The following NKPD1 variants were observed in gnomAD, a reference collection of about 807,000 sequenced individuals.
NKPD1 encodes NTPase KAP family P-loop domain-containing protein 1.
Under a neutral mutation model 42.2 loss-of-function variants are expected in NKPD1, and 37 were observed. That is an observed-to-expected ratio of 0.88 (90% confidence interval 0.67 to 1.15). The LOEUF (loss-of-function observed/expected upper bound fraction) is 1.15. NKPD1 is among the 50% of genes most tolerant of loss of function. The pLI is 0.00. For missense variants in NKPD1, 1,113 were observed against 1,174.6 expected, an observed-to-expected ratio of 0.95 and a Z score of 0.77; for synonymous variants, 552 against 536.5, an observed-to-expected ratio of 1.03 and a Z score of -0.40.
intron 3 of NKPD1, among the ~76,000 whole-genome samples, chr19:45,157,631 G>A (rs546801416): frequency 1.3e-5 from 2 of 151,862 alleles, no homozygotes; most frequent in African/African-American, 4.8e-5. Flanking sequence ...GCCCAGGCTG[G>A]TCTGGAACTC....
At chr19:45,162,189 A>G (rs185082064), upstream of NKPD1, among the ~76,000 whole-genome samples, 68 of 152,240 alleles carry the variant, frequency 4.5e-4, 2 homozygotes, top group East Asian at 0.012. Flanking sequence ...GGCTGGGAGC[A>G]CAGTGGCCAG....
Position 45,158,263 on chromosome 19 carries a change from G to A in NKPD1, c.529+400C>T, listed in dbSNP as rs1044400761. Among the ~76,000 whole-genome samples, 1 of 152,206 alleles carries A rather than the reference G, an allele frequency of 6.6e-6. No individual in the cohort carries two copies. The highest frequency in any genetic ancestry group is 2.4e-5 in the African/African-American group (1 of 41,448). On this transcript the variant is annotated intron_variant, in intron 3 of 4. Transcript: ENST00000686631. The surrounding 1 kb of genome is among the most constrained non-coding windows in gnomAD (Gnocchi z 4.6). ...TCTCCGTTCCCCAGGCTACTCCCTAGCTCTGTCTTCCCCAACGCCAGAGCC... is the reference window on the plus strand; with the variant it reads ...TCTCCGTTCCCCAGGCTACTCCCTAACTCTGTCTTCCCCAACGCCAGAGCC...
rs1182818032 is a variant in NKPD1 at position 45,152,023 on chromosome 19, G to GT, written c.2413dup (p.Thr805AsnfsTer50). 1.2e-6 allele frequency: 2 copies of GT among 1,610,768 alleles called. No individual in the cohort carries two copies. The highest frequency in any genetic ancestry group is 1.7e-6 in the Non-Finnish European group (2 of 1,178,958). On this transcript the variant is annotated frameshift_variant, in exon 5 of 5. Transcript: ENST00000686631. LOFTEE classifies it low-confidence loss of function (END_TRUNC). ...CTTGCCCCTGTGGGCCAAGTCCCCA[G>GT]TGTGGTGGCCTTCGCCGGCTTGCCC...
At position 45,158,484 on chromosome 19, in the gene NKPD1, A is replaced by C. The variant is rs1568458791; in HGVS notation, c.529+179T>G. Among the ~76,000 whole-genome samples, 1 of 152,252 alleles carries C rather than the reference A, an allele frequency of 6.6e-6. No individual in the cohort carries two copies. Among genetic ancestry groups the C allele is most frequent in the African/African-American group, 2.4e-5 (1 of 41,476 alleles). ...TGGCCTGGAAGCCTTGGACCCCAAC[A>C]GGCAAAGCTGAGGCAGCCAGCCTGA... is the stretch of plus-strand genomic sequence containing the variant. On this transcript the variant is annotated intron_variant, in intron 3 of 4. Transcript: ENST00000686631. This position sits in a 1 kb window ranked among gnomAD's most constrained non-coding sequence, Gnocchi z 4.6.
At position 45,151,631 on chromosome 19, in the gene NKPD1, A is replaced by T. The variant is rs116106679; in HGVS notation, c.*307T>A. 1,259 of 325,228 alleles carry T rather than the reference A, an allele frequency of 3.9e-3. 13 individuals carry two copies. Among genetic ancestry groups the T allele is most frequent in the African/African-American group, 0.024 (1,109 of 46,484 alleles). The allele number at this position is 325,228 out of a possible 1,614,324, so 20.1% of individuals were successfully genotyped here. Reference sequence around the variant, plus strand: ...AGGATGGGGCAGGCCCTGTGGCAGGACGGGGCAGGCCTGGTCCCTGGTCAG... The same window carrying T: ...AGGATGGGGCAGGCCCTGTGGCAGGTCGGGGCAGGCCTGGTCCCTGGTCAG... On this transcript the variant is annotated 3_prime_UTR_variant, in exon 5 of 5. Coordinates refer to ENST00000686631, the MANE Select transcript of NKPD1 (RefSeq NM_198478.4).
rs765272673 is a variant in NKPD1 at position 45,152,292 on chromosome 19, G to A, written c.2145C>T (p.Asp715=). 5.6e-6 allele frequency: 9 copies of A among 1,610,484 alleles called. No homozygotes were observed. Among genetic ancestry groups the A allele is most frequent in the African/African-American group, 2.7e-5 (2 of 74,826 alleles). ...TKALQNVLDL[D]GDPELFERFL... is the part of the protein sequence containing the mutation. ...AGCGCTCGAAGAGCTCGGGGTCGCC[G>A]TCCAGGTCGAGCACGTTCTGCAACG... Residue 715 remains aspartate (D), a synonymous_variant, in exon 5 of 5, where the codon GAC becomes GAT. Transcript: ENST00000686631.
rs529107934 is a variant in NKPD1, at chr19:45,151,680, G to A, written c.*258C>T. 2.5e-5 allele frequency: 11 copies of A among 440,390 alleles called. No individual in the cohort carries two copies. The highest frequency in any genetic ancestry group is 8.2e-5 in the African/African-American group (4 of 48,622). 27.3% of individuals were successfully genotyped at this position (440,390 alleles called of 1,614,324 possible). A position where few individuals can be genotyped will look rare whatever the true frequency, so the allele number is the denominator to read the frequency against. ...AGATCAGGATGCGGAGAGCAACTCCGGGCTCTCAACACCTCCATTTATTGC... is the reference window on the plus strand; with the variant it reads ...AGATCAGGATGCGGAGAGCAACTCCAGGCTCTCAACACCTCCATTTATTGC... On this transcript the variant is annotated 3_prime_UTR_variant, in exon 5 of 5. Coordinates refer to ENST00000686631, the MANE Select transcript of NKPD1 (RefSeq NM_198478.4).
In NKPD1 at chr19:45,151,957, G is replaced by C. The variant is rs765805397; in HGVS notation, c.2480C>G (p.Ser827Cys). Residue 827 changes from serine (S) to cysteine (C), a missense_variant, in exon 5 of 5, where the codon TCC becomes TGC. Ser to Cys is a moderately radical substitution (Grantham distance 112). Around this residue, in one of 3 missense-constraint regions of NKPD1, gnomAD observed 867 missense variants for 870.1 expected, o/e 1.00. Coordinates refer to ENST00000686631, the MANE Select transcript of NKPD1 (RefSeq NM_198478.4). ...CTCCATTTAAGGCCCACCTGGGCTG[G>C]ATTGCCCTGGACGGAAGAGCGCACA... ...VACALFRPGQ[S>C]SPGGP 10 of 1,577,052 alleles carry C rather than the reference G, an allele frequency of 6.3e-6. 1 individual carries two copies. In the South Asian group the frequency reaches 1.1e-4, roughly 18 times the overall value.
Position 45,150,020 on chromosome 19 carries a change from G to A in NKPD1, c.*1918C>T, listed in dbSNP as rs1292524198. The stretch of plus-strand genomic sequence containing the variant: ...GTCCCGTGGCTTTACACAGGTGCAA[G>A]TTCTCATAGCAGCTCCACGTGAAGA... On this transcript the variant is annotated 3_prime_UTR_variant, in exon 5 of 5. Transcript: ENST00000686631. 6.6e-6 allele frequency: 1 copy of A among 152,192 alleles called. No individual in the cohort carries two copies. Among genetic ancestry groups the A allele is most frequent in the African/African-American group, 2.4e-5 (1 of 41,446 alleles). The allele number at this position is 152,192 out of a possible 1,614,324, so 9.4% of individuals were successfully genotyped here. A position where few individuals can be genotyped will look rare whatever the true frequency, so the allele number is the denominator to read the frequency against.
chr19:45,153,647 T>C lies in NKPD1; in HGVS notation c.790A>G (p.Ile264Val). The C allele has an allele frequency of 6.3e-7, 1 of 1,583,496 alleles. No individual in the cohort carries two copies. ...CTGCGCCGCAGGTGCACCTCGGTGA[T>C]GATGGGCTGCAGGAACACCAGGTAC... ...LWYLVFLQPI[I>V]TEVHLRRRNV... Residue 264 changes from isoleucine to valine, a missense_variant, in exon 5 of 5, where the codon ATC becomes GTC. This residue lies in a region of NKPD1 where 867 missense variants were observed against 870.1 expected (regional missense o/e 1.00). Transcript: ENST00000686631.
Position 45,153,643 on chromosome 19 carries a change from G to A in NKPD1, c.794C>T (p.Thr265Ile), listed in dbSNP as rs1424320480. ...GTTCCTGCGCCGCAGGTGCACCTCG[G>A]TGATGATGGGCTGCAGGAACACCAG... ...WYLVFLQPII[T>I]EVHLRRRNVQ... The change falls in exon 5 of 5, where the codon ACC (threonine) becomes ATC (isoleucine). Residue 265 changes from threonine to isoleucine, a missense_variant. Coordinates refer to ENST00000686631, the MANE Select transcript of NKPD1 (RefSeq NM_198478.4). 6.3e-7 allele frequency: 1 copy of A among 1,584,462 alleles called. No individual in the cohort carries two copies. Among genetic ancestry groups the A allele is most frequent in the Non-Finnish European group, 8.6e-7 (1 of 1,165,360 alleles).
intron 2 of NKPD1, among the ~76,000 whole-genome samples, chr19:45,159,455 T>C (rs560018693): frequency 7.8e-4 from 119 of 152,074 alleles, no homozygotes; most frequent in Non-Finnish European, 6.5e-4. Flanking sequence ...AGAAGATCCA[T>C]TGGGAGCTGG....
rs1287468964 is a variant in NKPD1 at position 45,158,716 on chromosome 19, G to A, written c.476C>T (p.Ala159Val). The change falls in exon 3 of 5, where the codon GCC becomes GTC. Residue 159 changes from alanine (A) to valine (V), a missense_variant. By Grantham distance (64) the Ala-to-Val change is moderately conservative (BLOSUM62 0). Coordinates refer to ENST00000686631, the MANE Select transcript of NKPD1 (RefSeq NM_198478.4). This position sits in a 1 kb window ranked among gnomAD's most constrained non-coding sequence, Gnocchi z 4.6. ...VLLKPSEPTD[A>V]RPLPAPAACG... is the part of the protein sequence containing the mutation. ...GGCCGCTGGGGCGGGCAGGGGCCGG[G>A]CATCAGTGGGCTCGCTGGGCTTCAG... The A allele has an allele frequency of 5.0e-6, 6 of 1,199,900 alleles. No individual in the cohort carries two copies. Among genetic ancestry groups the A allele is most frequent in the Non-Finnish European group, 6.4e-6 (6 of 942,188 alleles). The allele number at this position is 1,199,900 out of a possible 1,614,324, so 74.3% of individuals were successfully genotyped here. A position where few individuals can be genotyped will look rare whatever the true frequency, so the allele number is the denominator to read the frequency against.
upstream of NKPD1, among the ~76,000 whole-genome samples, chr19:45,161,277 C>A (rs963863525): frequency 2.6e-5 from 4 of 152,166 alleles, no homozygotes; most frequent in Non-Finnish European, 5.9e-5. Flanking sequence ...AGGTATGTGA[C>A]CTTGGGCAGG....
Position 45,153,275 on chromosome 19 carries a change from A to G in NKPD1, c.1162T>C (p.Ser388Pro). The G allele has an allele frequency of 1.3e-6, 2 of 1,599,624 alleles. 1 individual carries two copies. Among genetic ancestry groups the G allele is most frequent in the Middle Eastern group, 3.3e-4 (2 of 6,042 alleles). The change falls in exon 5 of 5, where the codon TCG (serine) becomes CCG (proline). Residue 388 changes from serine (S) to proline (P), a missense_variant. This residue lies in a region of NKPD1 where 867 missense variants were observed against 870.1 expected (regional missense o/e 1.00). Coordinates refer to ENST00000686631, the MANE Select transcript of NKPD1 (RefSeq NM_198478.4). ...ACGGCCATGAGCAGCCCCGAGCCCG[A>G]CAGTGTGGTGGCCGCGCCGCCAAAC... ...KVFGGAATTL[S>P]GSGLLMAVYS...
In NKPD1 at chr19:45,158,573, G is replaced by A. The variant is rs1389372605; in HGVS notation, c.529+90C>T. Reference sequence around the variant, plus strand: ...CAGGGTGTGGATGAAGAGGGCAGGTGCAAGATGCTAGGCAGGGAGCAAGGA... The same window carrying A: ...CAGGGTGTGGATGAAGAGGGCAGGTACAAGATGCTAGGCAGGGAGCAAGGA... On this transcript the variant is annotated intron_variant, in intron 3 of 4. Transcript: ENST00000686631. This position sits in a 1 kb window ranked among gnomAD's most constrained non-coding sequence, Gnocchi z 4.6. The A allele has an allele frequency of 6.2e-6, 7 of 1,130,346 alleles. No homozygotes were observed. The highest frequency in any genetic ancestry group is 1.7e-5 in the African/African-American group (1 of 59,176). The allele number at this position is 1,130,346 out of a possible 1,614,324, so 70.0% of individuals were successfully genotyped here.
intron 1 of NKPD1, among the ~76,000 whole-genome samples, 197 bp from the exon 2 acceptor site, chr19:45,160,418 C>G (rs1465651346): frequency 1.3e-5 from 2 of 151,996 alleles, no homozygotes; most frequent in African/African-American, 2.4e-5. Flanking sequence ...CTGGGGTTGG[C>G]TAGGGGTTAA....
chr19:45,155,095 G>A (rs1012541778), intron 4 of NKPD1, among the ~76,000 whole-genome samples: 13 of 151,248 alleles, frequency 8.6e-5, no homozygotes, highest in Non-Finnish European at 1.6e-4. Context: ...AGGCTGAGGC[G>A]GATCACATGA....
In NKPD1 at chr19:45,156,913, C is replaced by T. The variant is rs187192151; in HGVS notation, c.530-997G>A. On this transcript the variant is annotated intron_variant, in intron 3 of 4. Coordinates refer to ENST00000686631, the MANE Select transcript of NKPD1 (RefSeq NM_198478.4). The stretch of plus-strand genomic sequence containing the variant: ...GTAGTTCTACTGAGGTGTGGGTAGG[C>T]GGGTCTAATTCCAGCTCTGCCAGAT... 3.3e-5 allele frequency among the ~76,000 whole-genome samples: 5 copies of T among 152,280 alleles called. No homozygotes were observed. In the East Asian group the frequency reaches 7.7e-4, roughly 24 times the overall value.
Sources: allele counts gnomAD v4.1 joint callset (sites outside exome capture counted in the v4.1 genomes callset), GRCh38; gene constraint gnomAD v4.1.1; regional missense constraint gnomAD v4.1.1; non-coding constraint Gnocchi (gnomAD v3.1); transcripts MANE v1.5; gene names NCBI Gene and HGNC (gene_info 2026-07-23, HGNC 2026-07-21).